Variants in MED13 observed in about 807,000 individuals in gnomAD.
MED13 encodes the protein mediator of RNA polymerase II transcription subunit 13.
MED13 carries 23 observed loss-of-function variants against 225.2 expected under a neutral mutation model. The ratio of observed to expected loss-of-function variants is 0.10; its 90% CI spans 0.07 to 0.14. The LOEUF is 0.14. MED13 is among the 10% of genes least tolerant of loss of function. MED13 has a pLI of 1.00. For synonymous variants in MED13, 942 were observed against 889.2 expected, an observed-to-expected ratio of 1.06 and a Z score of -1.06; for missense variants, 2,197 against 2,594.5, an observed-to-expected ratio of 0.85 and a Z score of 3.33.
Position 61,960,922 on chromosome 17 carries a change from C to T in MED13, c.5425G>A (p.Asp1809Asn). Reference protein sequence around the residue: ...DQRWILASCTDLYGELLETCI... With the variant: ...DQRWILASCTNLYGELLETCI... ...GTTTCTAAAAGTTCTCCATATAGAT[C>T]TGTGCAAGATGCAAGAATCCACCTT... The change falls in exon 23 of 30, where the codon GAT (aspartate) becomes AAT (asparagine). Residue 1809 changes from aspartate (D) to asparagine (N), a missense_variant. Asp to Asn is a conservative substitution (Grantham distance 23, BLOSUM62 1). Transcript: ENST00000397786. 6.2e-7 allele frequency: 1 copy of T among 1,613,656 alleles called. No individual in the cohort carries two copies. Among genetic ancestry groups the T allele is most frequent in the Non-Finnish European group, 8.5e-7 (1 of 1,179,880 alleles).
chr17:61,989,832 C>T (rs1029091784), intron 11 of MED13, among the ~76,000 whole-genome samples: 1 of 152,224 alleles, frequency 6.6e-6, no homozygotes, highest in African/African-American at 2.4e-5. Context: ...TTGCTCAAGA[C>T]TGCTTTAGCC....
chr17:61,997,913 T>C (rs1176759400), intron 9 of MED13, among the ~76,000 whole-genome samples: 1 of 152,126 alleles, frequency 6.6e-6, no homozygotes, highest in Non-Finnish European at 1.5e-5. Context: ...CAGGGCTCTA[T>C]TAAAATAAAA....
Position 61,962,904 on chromosome 17 carries a change from C to A in MED13, c.4912G>T (p.Ala1638Ser). 2.5e-6 allele frequency: 4 copies of A among 1,614,060 alleles called. No homozygotes were observed. The highest frequency in any genetic ancestry group is 3.4e-6 in the Non-Finnish European group (4 of 1,180,024). Residue 1638 changes from alanine (A) to serine (S), a missense_variant, in exon 21 of 30, where the codon GCA becomes TCA. Transcript: ENST00000397786. The part of the protein sequence containing the change: ...GDSHAVTYPP[A>S]IVVYIIDPFT... ...GGATCAATTATATAAACAACAATTG[C>A]AGGTGGATACGTGACTGCATGTGAA...
chr17:62,062,862 T>TCA (rs1185098113), intron 2 of MED13, among the ~76,000 whole-genome samples: 1 of 152,194 alleles, frequency 6.6e-6, no homozygotes, highest in Non-Finnish European at 1.5e-5. Flanking sequence ...AGAAAGTCAT[T>TCA]CACGCCTTAA....
At chr17:62,043,749 A>G (rs1420352873) in intron 3 of MED13, among the ~76,000 whole-genome samples, 4 of 152,258 alleles carry the variant, frequency 2.6e-5, no homozygotes, top group South Asian at 2.1e-4. Context: ...AGCAGTACAA[A>G]AAGTAAACTA....
At chr17:61,946,804 T>A in intron 29 of MED13, 113 bp downstream of exon 29, 1 of 1,092,594 alleles carries the variant, frequency 9.2e-7, no homozygotes, top group Non-Finnish European at 1.4e-6. Context: ...TATCTAGAGA[T>A]CCACTGGTAC....
At chr17:62,015,819 T>TCC (rs2080559200) in intron 8 of MED13, among the ~76,000 whole-genome samples, 1 of 120,436 alleles carries the variant, frequency 8.3e-6, no homozygotes, top group Non-Finnish European at 1.7e-5. Context: ...TATATATACA[T>TCC]ACACACTATA....
In MED13 at chr17:61,962,789, G is replaced by A. The variant is rs1347209868; in HGVS notation, c.5027C>T (p.Thr1676Ile). ...LLRCFLEMVQ[T>I]LPPHIKSTVS... ...AGTACTCTTGATATGAGGAGGAAGAGTCTGGACCATTTCTAGAAAGCATCG... is the reference window on the plus strand; with the variant it reads ...AGTACTCTTGATATGAGGAGGAAGAATCTGGACCATTTCTAGAAAGCATCG... Residue 1676 changes from threonine (T) to isoleucine (I), a missense_variant, in exon 21 of 30, where the codon ACT becomes ATT. Coordinates refer to ENST00000397786, the MANE Select transcript of MED13 (RefSeq NM_005121.3). The A allele has an allele frequency of 1.2e-6, 2 of 1,614,018 alleles. No homozygotes were observed. The highest frequency in any genetic ancestry group is 1.7e-6 in the Non-Finnish European group (2 of 1,180,018).
rs751605404 is a variant in MED13, at chr17:62,031,466, C to T, written c.987G>A (p.Thr329=). 52 of 1,609,050 alleles carry T rather than the reference C, an allele frequency of 3.2e-5. No homozygotes were observed. The East Asian group carries it at 4.9e-4, about 15-fold the overall frequency. ...AMSSVTLTPP[T]SPEEVQTVDP... is the part of the protein sequence containing the mutation. ...TACCTGTTTGGACTTCCTCAGGAGA[C>T]GTAGGTGGTGTAAGCGTAACCGAAG... is the stretch of plus-strand genomic sequence containing the variant. Residue 329 remains threonine, a synonymous_variant, in exon 6 of 30, where the codon ACG becomes ACA. Coordinates refer to ENST00000397786, the MANE Select transcript of MED13 (RefSeq NM_005121.3).
At chr17:62,062,972 C>T (rs370456151) in intron 2 of MED13, 95 bp downstream of exon 2, 4 of 912,894 alleles carry the variant, frequency 4.4e-6, no homozygotes, top group Non-Finnish European at 1.6e-6. Context: ...CTAAGTCTCC[C>T]ACAAAAACAA....
intron 9 of MED13, among the ~76,000 whole-genome samples, chr17:61,999,097 T>C (rs1322362564): frequency 6.6e-6 from 1 of 152,152 alleles, no homozygotes; most frequent in Non-Finnish European, 1.5e-5. Context: ...GTTTATTTCA[T>C]CACAGACTTC....
At chr17:62,027,500 C>A (rs1205756872) in intron 8 of MED13, among the ~76,000 whole-genome samples, 1 of 152,072 alleles carries the variant, frequency 6.6e-6, no homozygotes, top group Non-Finnish European at 1.5e-5. Context: ...CTAGACAATA[C>A]CACTCTGGAC....
chr17:62,018,245 T>C (rs1364061332), intron 8 of MED13, among the ~76,000 whole-genome samples: 2 of 152,168 alleles, frequency 1.3e-5, no homozygotes, highest in African/African-American at 4.8e-5. Flanking sequence ...ATTGGCTGAA[T>C]TCCACATCCT....
chr17:61,954,672 GAA>G (rs2079926485), intron 26 of MED13, among the ~76,000 whole-genome samples: 1 of 152,174 alleles, frequency 6.6e-6, no homozygotes, highest in African/African-American at 2.4e-5. Flanking sequence ...AGCTACTCGA[GAA>G]GCTGAGGCAC....
intron 23 of MED13, among the ~76,000 whole-genome samples, chr17:61,956,975 A>ATTATAATATATAAAT (rs1234378801): frequency 1.3e-5 from 2 of 152,184 alleles, no homozygotes; most frequent in African/African-American, 4.8e-5. Flanking sequence ...TCTATTTCAC[A>ATTATAATATATAAAT]TTATAATATA....
intron 9 of MED13, chr17:62,010,284 G>T: frequency 3.3e-6 from 1 of 300,500 alleles, no homozygotes; most frequent in Non-Finnish European, 6.0e-6. Context: ...AACAGTACAT[G>T]GGAATTCTAA....
Position 61,984,797 on chromosome 17 carries a change from G to A in MED13, c.2545C>T (p.Pro849Ser). ...SLEQHIMGFS[P>S]MNMNNKEYGS... is the part of the protein sequence containing the mutation. ...TATTCTTTATTATTCATATTCATTGGGGAAAATCCCATAATATGTTGTTCC... is the reference window on the plus strand; with the variant it reads ...TATTCTTTATTATTCATATTCATTGAGGAAAATCCCATAATATGTTGTTCC... Residue 849 changes from proline to serine, a missense_variant, in exon 14 of 30, where the codon CCA (proline) becomes TCA (serine). Physicochemically the swap from Pro to Ser is moderately conservative, Grantham distance 74. Transcript: ENST00000397786. 6.2e-7 allele frequency: 1 copy of A among 1,613,514 alleles called. No homozygotes were observed. The highest frequency in any genetic ancestry group is 8.5e-7 in the Non-Finnish European group (1 of 1,179,622).
At chr17:62,018,587 G>A (rs1425871014) in intron 8 of MED13, among the ~76,000 whole-genome samples, 1 of 152,094 alleles carries the variant, frequency 6.6e-6, no homozygotes, top group Non-Finnish European at 1.5e-5. Context: ...GGTGGCGCAT[G>A]CCTGTAGTCC....
chr17:61,996,594 C>T (rs547940967), intron 9 of MED13, among the ~76,000 whole-genome samples: 1 of 152,200 alleles, frequency 6.6e-6, no homozygotes, highest in African/African-American at 2.4e-5. Flanking sequence ...GGGGAACATT[C>T]TCCTTCCAAA....
Sources: allele counts gnomAD v4.1 joint callset (sites outside exome capture counted in the v4.1 genomes callset), GRCh38; gene constraint gnomAD v4.1.1; transcripts MANE v1.5; gene names NCBI Gene and HGNC (gene_info 2026-07-23, HGNC 2026-07-21).